The following INTS6 variants were observed in gnomAD, a reference collection of about 807,000 sequenced individuals.
INTS6 encodes integrator complex subunit 6, also known as DEAD box protein.
A neutral mutation model predicts 104.9 loss-of-function variants in INTS6; 16 were observed. That is an observed-to-expected ratio of 0.15 (90% CI 0.10 to 0.23). The LOEUF is 0.23. INTS6 is among the 10% of genes least tolerant of loss of function. INTS6 has a pLI of 1.00. For missense variants in INTS6, 584 were observed against 1,062.8 expected, an observed-to-expected ratio of 0.55 and a Z score of 6.26; for synonymous variants, 324 against 358.7, an observed-to-expected ratio of 0.90 and a Z score of 1.09.
chr13:51,387,876 G>A (rs1449612466), intron 6 of INTS6, among the ~76,000 whole-genome samples: 2 of 152,124 alleles, frequency 1.3e-5, no homozygotes, highest in East Asian at 3.9e-4. Flanking sequence ...GATGATAAGA[G>A]CAAGCACCCA....
intron 4 of INTS6, among the ~76,000 whole-genome samples, chr13:51,427,068 T>C (rs1181229437): frequency 1.3e-5 from 2 of 152,116 alleles, no homozygotes; most frequent in African/African-American, 2.4e-5. Flanking sequence ...CAAGAACATT[T>C]ACTCCTGAAA....
At chr13:51,388,936 T>C (rs1391309993) in intron 6 of INTS6, among the ~76,000 whole-genome samples, 1 of 152,210 alleles carries the variant, frequency 6.6e-6, no homozygotes, top group Non-Finnish European at 1.5e-5. Flanking sequence ...TGATCCCTGG[T>C]ACAAAAGTAG....
At chr13:51,431,793 TC>T (rs756436531) in intron 3 of INTS6, among the ~76,000 whole-genome samples, 3 of 152,096 alleles carry the variant, frequency 2.0e-5, no homozygotes, top group Non-Finnish European at 4.4e-5. Context: ...TTAGATATAA[TC>T]TCTAGAAGAT....
At chr13:51,355,927 C>A (rs138273112) in intron 3 of INTS6, among the ~76,000 whole-genome samples, 1 of 152,100 alleles carries the variant, frequency 6.6e-6, no homozygotes, top group Non-Finnish European at 1.5e-5. Flanking sequence ...ATTTCCCTTA[C>A]CTGAAGGGCT....
intron 4 of INTS6, among the ~76,000 whole-genome samples, chr13:51,429,917 A>C (rs1255035734): frequency 6.6e-6 from 1 of 151,556 alleles, no homozygotes; most frequent in African/African-American, 2.4e-5. Flanking sequence ...GAGTTTCCAC[A>C]GTCGCTGGAC....
At chr13:51,419,905 A>G (rs1318630946) in intron 4 of INTS6, among the ~76,000 whole-genome samples, 1 of 152,222 alleles carries the variant, frequency 6.6e-6, no homozygotes, top group Admixed American at 6.5e-5. Context: ...GCGATCAGCA[A>G]ACTATAGCCC....
At chr13:51,419,383 G>A (rs1032574740) in intron 4 of INTS6, among the ~76,000 whole-genome samples, 1 of 152,120 alleles carries the variant, frequency 6.6e-6, no homozygotes, top group African/African-American at 2.4e-5. Context: ...AATATAGGAC[G>A]TGCCATGCCA....
chr13:51,403,285 AC>A (rs1217741227), intron 4 of INTS6, among the ~76,000 whole-genome samples: 8 of 152,262 alleles, frequency 5.3e-5, no homozygotes, highest in Non-Finnish European at 1.2e-4. Flanking sequence ...ATCTGTACCA[AC>A]ACAAGATTTC....
intron 3 of INTS6, chr13:51,449,901 G>T (rs1250817181): frequency 1.0e-6 from 1 of 985,010 alleles, no homozygotes; most frequent in African/African-American, 1.7e-5. Context: ...AATTTGGTAA[G>T]CTCACTCTGA....
At chr13:51,400,085 G>A (rs1250130270) in intron 4 of INTS6, among the ~76,000 whole-genome samples, 1 of 152,164 alleles carries the variant, frequency 6.6e-6, no homozygotes, top group East Asian at 1.9e-4. Flanking sequence ...ATTGTGAACT[G>A]CACATGCAAG....
chr13:51,392,147 T>A (rs534205787), intron 5 of INTS6, among the ~76,000 whole-genome samples: 89 of 152,350 alleles, frequency 5.8e-4, no homozygotes, highest in African/African-American at 2.0e-3. Flanking sequence ...CCACTCTATA[T>A]TCTCATCTAA....
intron 13 of INTS6, among the ~76,000 whole-genome samples, chr13:51,375,760 T>C (rs531697338): frequency 1.3e-5 from 2 of 151,386 alleles, no homozygotes; most frequent in Admixed American, 6.6e-5. Flanking sequence ...TGTGTGTGTG[T>C]GTGTGTGCGC....
chr13:51,434,693 T>C (rs1334563266), intron 3 of INTS6, among the ~76,000 whole-genome samples: 1 of 152,146 alleles, frequency 6.6e-6, no homozygotes, highest in East Asian at 1.9e-4. Context: ...AGCATGAATT[T>C]CTACATCACT....
At chr13:51,387,653 T>C in intron 6 of INTS6, 113 bp from the exon 7 acceptor site, 3 of 795,130 alleles carry the variant, frequency 3.8e-6, no homozygotes, top group Non-Finnish European at 5.5e-6. Flanking sequence ...TAATATCTTT[T>C]TCCAGGTTTT....
chr13:51,376,312 G>C, intron 12 of INTS6, 138 bp from the exon 13 acceptor site: 1 of 637,454 alleles, frequency 1.6e-6, no homozygotes, highest in East Asian at 3.1e-5. Context: ...AAAGACATAT[G>C]ATATAATCTT....
intron 4 of INTS6, among the ~76,000 whole-genome samples, chr13:51,396,094 G>C (rs1364694297): frequency 6.6e-6 from 1 of 151,742 alleles, no homozygotes; most frequent in African/African-American, 2.4e-5. Flanking sequence ...ACCATGCCCG[G>C]TCTTATTATT....
At chr13:51,422,808 A>G (rs771855527) in intron 4 of INTS6, among the ~76,000 whole-genome samples, 3 of 151,914 alleles carry the variant, frequency 2.0e-5, no homozygotes, top group Non-Finnish European at 4.4e-5. Context: ...TACTCTTCCT[A>G]CCTATACTTT....
At chr13:51,429,763 CAAAA>C (rs35873020) in intron 4 of INTS6, among the ~76,000 whole-genome samples, 6 of 27,088 alleles carry the variant, frequency 2.2e-4, no homozygotes, top group African/African-American at 6.4e-4. Flanking sequence ...GACTCTGTCT[CAAAA>C]AAAAAAAAAA....
At chr13:51,373,373 C>T (rs1396781534) in intron 15 of INTS6, among the ~76,000 whole-genome samples, 1 of 152,158 alleles carries the variant, frequency 6.6e-6, no homozygotes, top group Non-Finnish European at 1.5e-5. Context: ...TTGCTCCTCT[C>T]TGATAATAGT....
Sources: gnomAD v4.1 joint callset for allele counts (sites outside exome capture counted in the v4.1 genomes callset) on GRCh38, gnomAD v4.1.1 for gene constraint, MANE v1.5 for transcripts, NCBI Gene and HGNC (gene_info 2026-07-23, HGNC 2026-07-21) for gene names.